Variants in ERC1 observed in about 807,000 individuals in gnomAD.
The protein encoded by ERC1 is ELKS/RAB6-interacting/CAST family member 1.
A neutral mutation model predicts 132.0 loss-of-function variants in ERC1; 56 were observed. That is an observed-to-expected ratio of 0.42 (90% CI 0.34 to 0.53). The LOEUF is 0.53. Ranked by LOEUF, ERC1 falls within the 20% of genes least tolerant of loss-of-function variation. The pLI is 0.03. For missense variants in ERC1, 1,202 were observed against 1,349.9 expected (o/e 0.89, Z 1.72); for synonymous variants, 478 against 476.1 (o/e 1.00, Z -0.05).
chr12:1,140,408 A>G (rs140595502), intron 7 of ERC1, among the ~76,000 whole-genome samples: 3 of 152,292 alleles, frequency 2.0e-5, no homozygotes, highest in African/African-American at 7.2e-5. Flanking sequence ...GAATATTTGC[A>G]TTATACTTAT....
chr12:1,048,764 TG>T (rs1472658083), intron 2 of ERC1, among the ~76,000 whole-genome samples: 7 of 152,260 alleles, frequency 4.6e-5, no homozygotes, highest in African/African-American at 1.4e-4. Context: ...ATTTATAGTC[TG>T]TGCAAGACAT....
intron 15 of ERC1, among the ~76,000 whole-genome samples, chr12:1,352,894 T>G (rs575528298): frequency 2.6e-5 from 4 of 152,206 alleles, no homozygotes; most frequent in Admixed American, 2.6e-4. Flanking sequence ...AGGACTACTT[T>G]AAGTTTGAGA....
intron 15 of ERC1, among the ~76,000 whole-genome samples, chr12:1,304,777 C>CTTTTTTTT (rs1395492621): frequency 2.0e-5 from 2 of 101,226 alleles, no homozygotes; most frequent in Non-Finnish European, 4.2e-5. Context: ...TTTGTTGTAA[C>CTTTTTTTT]TCTTTTTTTT....
At chr12:1,456,050 C>T (rs2093526766) in intron 18 of ERC1, among the ~76,000 whole-genome samples, 1 of 152,178 alleles carries the variant, frequency 6.6e-6, no homozygotes, top group Admixed American at 6.5e-5. Context: ...TTATGGGCCT[C>T]CTATGGCTCT....
chr12:1,284,769 C>G (rs1000508521), intron 14 of ERC1, among the ~76,000 whole-genome samples: 5 of 152,120 alleles, frequency 3.3e-5, no homozygotes, highest in Non-Finnish European at 7.4e-5. Context: ...CTCCTGGGCT[C>G]AAGCAACCCT....
chr12:1,439,778 T>C (rs1000743004), intron 17 of ERC1, among the ~76,000 whole-genome samples: 3 of 152,228 alleles, frequency 2.0e-5, no homozygotes, highest in African/African-American at 7.2e-5. Context: ...TTACGGGTCC[T>C]GTAAGGCATT....
chr12:1,337,094 G>A (rs1016802560), intron 15 of ERC1, among the ~76,000 whole-genome samples: 2 of 152,152 alleles, frequency 1.3e-5, no homozygotes, highest in Non-Finnish European at 2.9e-5. Context: ...GGGATTACAG[G>A]CATGAGCCAC....
At chr12:1,058,793 T>TTG (rs3077813) in intron 2 of ERC1, among the ~76,000 whole-genome samples, 2 of 149,968 alleles carry the variant, frequency 1.3e-5, no homozygotes, top group Non-Finnish European at 3.0e-5. Context: ...AAGTATGTTT[T>TTG]TTTTTTTTTT....
intron 2 of ERC1, among the ~76,000 whole-genome samples, chr12:1,075,400 T>C (rs753313220): frequency 6.6e-6 from 1 of 152,154 alleles, no homozygotes; most frequent in Non-Finnish European, 1.5e-5. Flanking sequence ...GAAAATGTTA[T>C]TAAGAAAATT....
At chr12:1,010,599 C>G (rs1305228747) in intron 1 of ERC1, among the ~76,000 whole-genome samples, 1 of 150,528 alleles carries the variant, frequency 6.6e-6, no homozygotes, top group African/African-American at 2.4e-5. Flanking sequence ...CAACCTCCAC[C>G]TCCCAGGTTC....
At chr12:1,447,018 G>GT (rs1213349663) in intron 18 of ERC1, among the ~76,000 whole-genome samples, 1 of 142,932 alleles carries the variant, frequency 7.0e-6, no homozygotes, top group Non-Finnish European at 1.5e-5. Flanking sequence ...GTGAGACCCT[G>GT]TCTCTAAAAC....
intron 16 of ERC1, among the ~76,000 whole-genome samples, chr12:1,384,642 G>A (rs1481343946): frequency 6.6e-6 from 1 of 152,106 alleles, no homozygotes; most frequent in Non-Finnish European, 1.5e-5. Context: ...GACTGTTGAA[G>A]AAAGAACATC....
intron 13 of ERC1, among the ~76,000 whole-genome samples, chr12:1,253,955 G>C (rs2154317226): frequency 6.6e-6 from 1 of 152,228 alleles, no homozygotes; most frequent in South Asian, 2.1e-4. Context: ...CCCTCTACCA[G>C]ACCCCTCAAA....
intron 15 of ERC1, among the ~76,000 whole-genome samples, chr12:1,306,485 A>G (rs2080892838): frequency 6.6e-6 from 1 of 152,136 alleles, no homozygotes; most frequent in African/African-American, 2.4e-5. Context: ...ATTGGAAAAC[A>G]TTTCTTTTTA....
At chr12:1,011,374 A>C (rs1046797923) in intron 1 of ERC1, among the ~76,000 whole-genome samples, 8 of 151,892 alleles carry the variant, frequency 5.3e-5, no homozygotes, top group Non-Finnish European at 1.2e-4. Flanking sequence ...CGGCTAATTA[A>C]AAAAATTTTT....
chr12:1,181,651 A>T (rs1029400252), intron 9 of ERC1, among the ~76,000 whole-genome samples: 16 of 151,994 alleles, frequency 1.1e-4, no homozygotes, highest in Non-Finnish European at 2.4e-4. Flanking sequence ...ATACAAAATT[A>T]GCCAGGCGTG....
chr12:1,202,802 A>G (rs1263893137), intron 12 of ERC1, among the ~76,000 whole-genome samples: 5 of 152,198 alleles, frequency 3.3e-5, no homozygotes, highest in Non-Finnish European at 5.9e-5. Flanking sequence ...CCCGTGTGTT[A>G]TGTAAAAACT....
At chr12:1,399,141 A>C (rs990052406) in intron 16 of ERC1, among the ~76,000 whole-genome samples, 2 of 150,878 alleles carry the variant, frequency 1.3e-5, no homozygotes, top group Admixed American at 6.6e-5. Flanking sequence ...TTGTAGATAC[A>C]GGGTCTGGTT....
chr12:1,433,931 A>G (rs942846447), intron 17 of ERC1, among the ~76,000 whole-genome samples: 6 of 149,610 alleles, frequency 4.0e-5, no homozygotes, highest in Non-Finnish European at 7.4e-5. Context: ...GTGAGCTGTG[A>G]TCACACCACT....
Sources: gnomAD v4.1 joint callset for allele counts (sites outside exome capture counted in the v4.1 genomes callset) on GRCh38, gnomAD v4.1.1 for gene constraint, MANE v1.5 for transcripts, NCBI Gene and HGNC (gene_info 2026-07-23, HGNC 2026-07-21) for gene names.